Variants in EPB41L3 observed in about 807,000 individuals in gnomAD.
EPB41L3 encodes the protein erythrocyte membrane protein band 4.1 like 3.
In EPB41L3, 57 loss-of-function variants were observed where a neutral mutation model predicts 127.1. That is an observed-to-expected ratio of 0.45 (90% CI 0.36 to 0.56). EPB41L3 has a LOEUF of 0.56. EPB41L3 is among the 20% of genes least tolerant of loss of function. EPB41L3 has a pLI of 0.00. For synonymous variants in EPB41L3, 572 were observed against 549.5 expected (o/e 1.04, Z -0.57); for missense variants, 1,273 against 1,372.2 (o/e 0.93, Z 1.14).
At chr18:5,438,967 A>G (rs2080265765) in intron 5 of EPB41L3, among the ~76,000 whole-genome samples, 1 of 152,194 alleles carries the variant, frequency 6.6e-6, no homozygotes, top group South Asian at 2.1e-4. Flanking sequence ...TATCAATATA[A>G]ACATGGAAAA....
intron 1 of EPB41L3, among the ~76,000 whole-genome samples, chr18:5,621,917 T>C (rs2094867339): frequency 6.6e-6 from 1 of 152,212 alleles, no homozygotes; most frequent in South Asian, 2.1e-4. Flanking sequence ...TCTATGATAG[T>C]CATTACTTTT....
chr18:5,435,854 TTTA>T (rs138923776), intron 6 of EPB41L3, among the ~76,000 whole-genome samples: 9,075 of 152,266 alleles, frequency 0.06, 412 homozygotes, highest in African/African-American at 0.13. Context: ...AGGTAGTCTC[TTTA>T]TAATAACACA....
chr18:5,557,324 T>C (rs2094051803), intron 3 of EPB41L3, among the ~76,000 whole-genome samples: 1 of 152,240 alleles, frequency 6.6e-6, no homozygotes, highest in Admixed American at 6.5e-5. Flanking sequence ...GTTTTTTTCC[T>C]GTCTTGTAGC....
At chr18:5,584,750 A>G (rs2094427572) in intron 3 of EPB41L3, among the ~76,000 whole-genome samples, 1 of 152,242 alleles carries the variant, frequency 6.6e-6, no homozygotes, top group Non-Finnish European at 1.5e-5. Flanking sequence ...ACTATAATCA[A>G]CAAATAACAT....
chr18:5,530,013 T>C (rs2093361136), intron 1 of EPB41L3, among the ~76,000 whole-genome samples: 1 of 150,008 alleles, frequency 6.7e-6, no homozygotes, highest in African/African-American at 2.4e-5. Flanking sequence ...CCTCCCACCA[T>C]ACCCAACATG....
chr18:5,450,990 T>G (rs2082213527), intron 3 of EPB41L3, among the ~76,000 whole-genome samples: 1 of 152,252 alleles, frequency 6.6e-6, no homozygotes, highest in Non-Finnish European at 1.5e-5. Flanking sequence ...GCCTGATTTT[T>G]TTTTTACATG....
chr18:5,421,412 GA>G (rs1225541799), intron 11 of EPB41L3, among the ~76,000 whole-genome samples: 1 of 152,158 alleles, frequency 6.6e-6, no homozygotes, highest in Non-Finnish European at 1.5e-5. Context: ...GGATAAACCA[GA>G]AAGAAAAGCT....
intron 22 of EPB41L3, 25 bp from the exon 23 acceptor site, chr18:5,393,503 T>C (rs1440803367): frequency 5.7e-6 from 4 of 701,234 alleles, no homozygotes; most frequent in Non-Finnish European, 1.0e-5. Flanking sequence ...TTTGATTAGT[T>C]ACTCATTTGA....
chr18:5,582,493 C>T (rs967391846), intron 3 of EPB41L3, among the ~76,000 whole-genome samples: 1 of 152,168 alleles, frequency 6.6e-6, no homozygotes, highest in African/African-American at 2.4e-5. Flanking sequence ...TTTCTCCCAA[C>T]GTTAAACAGA....
chr18:5,510,419 T>A (rs2092452318), intron 1 of EPB41L3, among the ~76,000 whole-genome samples: 1 of 152,156 alleles, frequency 6.6e-6, no homozygotes, highest in Non-Finnish European at 1.5e-5. Flanking sequence ...CTAATAGCCC[T>A]ATGATCTCAG....
rs1270200800 is a variant in EPB41L3 at position 5,416,346 on chromosome 18, C to A, written c.1539G>T (p.Leu513Phe). The change falls in exon 13 of 23, where the codon TTG becomes TTT. Residue 513 changes from leucine (L) to phenylalanine (F), a missense_variant. Coordinates refer to ENST00000341928, the MANE Select transcript of EPB41L3 (RefSeq NM_012307.5). ...SPGLGTDSCP[L>F]SPPSTHCAPT... ...GGGCACAATGGGTGGATGGGGGTGA[C>A]AAGGGACATGAGTCAGTGCCAAGCC... The A allele has an allele frequency of 6.2e-7, 1 of 1,613,632 alleles. No individual in the cohort carries two copies. The highest frequency in any genetic ancestry group is 1.7e-5 in the Admixed American group (1 of 59,992).
chr18:5,584,621 G>C (rs1422390462), intron 3 of EPB41L3, among the ~76,000 whole-genome samples: 1 of 152,064 alleles, frequency 6.6e-6, no homozygotes, highest in African/African-American at 2.4e-5. Context: ...GAGGTATGAA[G>C]AAAAGACTAA....
intron 7 of EPB41L3, 39 bp downstream of exon 7, chr18:5,433,864 T>C (rs759169202): frequency 2.5e-5 from 40 of 1,607,242 alleles, no homozygotes; most frequent in Non-Finnish European, 3.3e-5. Context: ...CACTCTCCCA[T>C]CAAGGCACAA....
chr18:5,536,649 CAAA>C (rs34476027), intron 1 of EPB41L3, among the ~76,000 whole-genome samples: 58 of 132,928 alleles, frequency 4.4e-4, no homozygotes, highest in African/African-American at 1.5e-3. Context: ...ACTAAAAATT[CAAA>C]AAAAAAAAAA....
chr18:5,584,852 G>A (rs906236394), intron 3 of EPB41L3, among the ~76,000 whole-genome samples: 7 of 152,124 alleles, frequency 4.6e-5, no homozygotes, highest in Admixed American at 2.0e-4. Context: ...AAATTGAAAC[G>A]AAAGGCATAC....
chr18:5,449,982 C>G (rs2082068508), intron 3 of EPB41L3, among the ~76,000 whole-genome samples: 1 of 151,886 alleles, frequency 6.6e-6, no homozygotes, highest in Non-Finnish European at 1.5e-5. Flanking sequence ...TCTATCTCTC[C>G]CTCAAAATAT....
chr18:5,500,921 G>A (rs1194426667), intron 1 of EPB41L3, among the ~76,000 whole-genome samples: 3 of 152,104 alleles, frequency 2.0e-5, no homozygotes, highest in Non-Finnish European at 4.4e-5. Flanking sequence ...CCTCCTAATG[G>A]TAAGCTTCAT....
At chr18:5,407,426 C>T in intron 15 of EPB41L3, 1 of 524,170 alleles carries the variant, frequency 1.9e-6, no homozygotes, top group African/African-American at 1.9e-5. Flanking sequence ...CTGGTATATA[C>T]CAATACCAAC....
At chr18:5,535,655 G>A (rs538581922) in intron 1 of EPB41L3, among the ~76,000 whole-genome samples, 2 of 152,154 alleles carry the variant, frequency 1.3e-5, no homozygotes, top group African/African-American at 4.8e-5. Flanking sequence ...TCATCTCACA[G>A]AAGCCTGGGT....
Sources: gnomAD v4.1 joint callset for allele counts (sites outside exome capture counted in the v4.1 genomes callset) on GRCh38, gnomAD v4.1.1 for gene constraint, MANE v1.5 for transcripts, NCBI Gene and HGNC (gene_info 2026-07-23, HGNC 2026-07-21) for gene names.